The following OPCML variants were observed in gnomAD, a reference collection of about 807,000 sequenced individuals.
The protein encoded by OPCML is opioid binding protein/cell adhesion molecule like.
OPCML carries 13 observed loss-of-function variants against 37.8 expected under a neutral mutation model. The observed-to-expected ratio is 0.34, with a 90% confidence interval of 0.22 to 0.55. OPCML has a LOEUF of 0.55. Among genes scored for constraint, OPCML ranks in the 20% least tolerant of loss-of-function variants. The pLI is 0.91. For synonymous variants in OPCML, 176 were observed against 168.8 expected (o/e 1.04, Z -0.33); for missense variants, 341 against 435.6 (o/e 0.78, Z 1.93).
chr11:132,449,649 G>A (rs11223077), intron 4 of OPCML, among the ~76,000 whole-genome samples: 8,971 of 152,092 alleles, frequency 0.059, 402 homozygotes, highest in African/African-American at 0.11. Context: ...TGTTATAACC[G>A]GACTGTGACT....
chr11:132,466,981 G>A (rs967414161), intron 4 of OPCML, among the ~76,000 whole-genome samples: 5 of 152,006 alleles, frequency 3.3e-5, no homozygotes, highest in African/African-American at 1.2e-4. Flanking sequence ...AGGGAGAGGG[G>A]TTTCCACAGA....
At chr11:133,098,410 T>C (rs1471483142) in intron 1 of OPCML, among the ~76,000 whole-genome samples, 1 of 151,928 alleles carries the variant, frequency 6.6e-6, no homozygotes, top group East Asian at 1.9e-4. Context: ...AGAGACAGGG[T>C]TTCACCATGT....
rs1592026181 is a variant in OPCML, at chr11:133,126,100, T to TGA, written c.62-183092_62-183091dup. On this transcript the variant is annotated intron_variant, in intron 1 of 7. Transcript: ENST00000524381. ...ACACACACACACACACACACATATA[T>TGA]GAGAGAGAGAGAGATTATAGAAATC... Among the ~76,000 whole-genome samples the TGA allele has an allele frequency of 6.1e-5, 9 of 147,936 alleles. No individual in the cohort carries two copies. The East Asian group carries it at 1.2e-3, about 20-fold the overall frequency.
intron 2 of OPCML, among the ~76,000 whole-genome samples, chr11:132,855,765 A>T (rs1942029648): frequency 6.6e-6 from 1 of 152,174 alleles, no homozygotes; most frequent in Non-Finnish European, 1.5e-5. Context: ...GAGCCTCAGA[A>T]ATTGTGAAAT....
rs567093609 is a variant in OPCML, at chr11:132,576,871, C to T, written c.380-47685G>A. ...CTCTGTGGGTTGAGCCAGGAAAGGG[C>T]GCTATAGTGTCTGCCAATCCAAGCT... On this transcript the variant is annotated intron_variant, in intron 3 of 7. Transcript: ENST00000524381. 8.3e-4 allele frequency among the ~76,000 whole-genome samples: 127 copies of T among 152,200 alleles called. 2 individuals are homozygous for T. The South Asian group carries it at 0.025, about 30-fold the overall frequency.
At chr11:133,204,058 CAAAAAAAAAAAAAA>C (rs58343203) in intron 1 of OPCML, among the ~76,000 whole-genome samples, 95 of 66,494 alleles carry the variant, frequency 1.4e-3, no homozygotes, top group African/African-American at 4.3e-3. Context: ...GACTCTGTCT[CAAAAAAAAAAAAAA>C]AAAAAAAAAA....
intron 1 of OPCML, among the ~76,000 whole-genome samples, chr11:133,336,466 T>C (rs1943746141): frequency 1.3e-5 from 2 of 152,232 alleles, no homozygotes; most frequent in South Asian, 4.1e-4. Context: ...AATAAGTGTA[T>C]TGCCATTGAT....
chr11:132,843,590 A>C (rs900454787), intron 2 of OPCML, among the ~76,000 whole-genome samples: 2 of 145,768 alleles, frequency 1.4e-5, no homozygotes, highest in Admixed American at 1.4e-4. Context: ...TATCCTTGGC[A>C]TCTGAAACAG....
chr11:132,464,895 C>T (rs2096114841), intron 4 of OPCML, among the ~76,000 whole-genome samples: 2 of 152,102 alleles, frequency 1.3e-5, no homozygotes, highest in South Asian at 4.1e-4. Context: ...CATTCCCTTC[C>T]CCAGAGGAAA....
chr11:133,419,106 T>A (rs1945829119), intron 1 of OPCML: 4 of 360,238 alleles, frequency 1.1e-5, no homozygotes, highest in Non-Finnish European at 1.5e-5. Context: ...CTGATTTGAG[T>A]AATAACTCTA....
intron 2 of OPCML, among the ~76,000 whole-genome samples, chr11:132,873,229 T>G (rs981723607): frequency 6.6e-6 from 1 of 152,220 alleles, no homozygotes; most frequent in Non-Finnish European, 1.5e-5. Context: ...ACAATTCTAT[T>G]TTTAACTACT....
In OPCML at chr11:132,420,276, C is replaced by A; in HGVS notation, c.934G>T (p.Asp312Tyr). The A allele has an allele frequency of 1.2e-6, 2 of 1,613,860 alleles. No individual in the cohort carries two copies. Among genetic ancestry groups the A allele is most frequent in the Non-Finnish European group, 1.7e-6 (2 of 1,179,834 alleles). ...ITLYGPGAVI[D>Y]GVNSASRALA... The stretch of plus-strand genomic sequence containing the variant: ...GCTCTGGAGGCCGAGTTTACACCAT[C>A]AATGACTGCTCCAGGCCCTGTGTAG... The change falls in exon 8 of 8, where the codon GAT becomes TAT. Residue 312 changes from aspartate to tyrosine, a missense_variant. Asp to Tyr is a radical substitution (Grantham distance 160). Transcript: ENST00000524381.
At chr11:133,219,184 A>G (rs1565511489) in intron 1 of OPCML, among the ~76,000 whole-genome samples, 1 of 152,150 alleles carries the variant, frequency 6.6e-6, no homozygotes, top group Non-Finnish European at 1.5e-5. Flanking sequence ...GTTCACTTCT[A>G]TATCTAGTTT....
intron 3 of OPCML, among the ~76,000 whole-genome samples, chr11:132,597,051 A>G (rs2096493519): frequency 6.6e-6 from 1 of 152,176 alleles, no homozygotes; most frequent in African/African-American, 2.4e-5. Context: ...ATTTATTGAG[A>G]CACTATCCTT....
intron 3 of OPCML, among the ~76,000 whole-genome samples, chr11:132,571,294 T>C (rs2096437825): frequency 6.6e-6 from 1 of 152,120 alleles, no homozygotes; most frequent in Non-Finnish European, 1.5e-5. Flanking sequence ...GAGACACTAC[T>C]GGCTTCTTTC....
chr11:133,100,165 T>A (rs1949065162), intron 1 of OPCML, among the ~76,000 whole-genome samples: 1 of 152,152 alleles, frequency 6.6e-6, no homozygotes, highest in Admixed American at 6.5e-5. Context: ...TGAGTCTACT[T>A]GAGCAGGAAG....
At chr11:133,128,863 C>G (rs1475043932) in intron 1 of OPCML, among the ~76,000 whole-genome samples, 2 of 152,096 alleles carry the variant, frequency 1.3e-5, no homozygotes, top group East Asian at 1.9e-4. Flanking sequence ...CCAGGAAGCC[C>G]TCTCTGTAGC....
chr11:133,415,146 AAGCCTGTAATCCC>A (rs1222563307), intron 1 of OPCML, among the ~76,000 whole-genome samples: 2 of 152,182 alleles, frequency 1.3e-5, no homozygotes, highest in East Asian at 3.9e-4. Flanking sequence ...ACGGTGGCTC[AAGCCTGTAATCCC>A]AGCACTTTGG....
intron 3 of OPCML, among the ~76,000 whole-genome samples, chr11:132,591,966 C>T (rs115584855): frequency 1.3e-5 from 2 of 152,130 alleles, no homozygotes; most frequent in African/African-American, 2.4e-5. Flanking sequence ...AGGTGAAGAA[C>T]AGGCAGTGAG....
Sources: allele counts gnomAD v4.1 joint callset (sites outside exome capture counted in the v4.1 genomes callset), GRCh38; gene constraint gnomAD v4.1.1; transcripts MANE v1.5; gene names NCBI Gene and HGNC (gene_info 2026-07-23, HGNC 2026-07-21).